ATG2B: variants seen among roughly 807,000 people sequenced by gnomAD.
ATG2B encodes the protein autophagy related 2B, also known as autophagy-related protein 2 homolog B.
A neutral mutation model predicts 241.3 loss-of-function variants in ATG2B; 121 were observed. The observed-to-expected ratio is 0.50, with a 90% CI of 0.43 to 0.58. ATG2B has a LOEUF of 0.58. Ranked by LOEUF, ATG2B falls within the 20% of genes least tolerant of loss-of-function variation. ATG2B has a pLI of 0.00. For missense variants in ATG2B, 2,306 were observed against 2,491.6 expected, an observed-to-expected ratio of 0.93 and a Z score of 1.59; for synonymous variants, 858 against 876.6, an observed-to-expected ratio of 0.98 and a Z score of 0.37.
chr14:96,362,039 GGTGA>G (rs1566739244), intron 1 of ATG2B, among the ~76,000 whole-genome samples: 3 of 152,124 alleles, frequency 2.0e-5, no homozygotes, highest in Non-Finnish European at 2.9e-5. Flanking sequence ...GACTGCATGT[GGTGA>G]GTCGAAATTC....
Position 96,279,809 on chromosome 14 carries a change from T to C in ATG2B, c.*5946A>G, listed in dbSNP as rs1408450327. The stretch of plus-strand genomic sequence containing the variant: ...TTGTCATATTTGGCATATTTGGCCA[T>C]GTCTGGAGACGTCTTTGGCTGTCAC... On this transcript the variant is annotated 3_prime_UTR_variant, in exon 42 of 42. Transcript: ENST00000359933. 1.3e-5 allele frequency: 2 copies of C among 150,984 alleles called. No homozygotes were observed. Among genetic ancestry groups the C allele is most frequent in the Non-Finnish European group, 1.5e-5 (1 of 67,938 alleles). The allele number at this position is 150,984 out of a possible 1,614,324, so 9.4% of individuals were successfully genotyped here.
At chr14:96,320,153 C>T (rs1408761028) in intron 18 of ATG2B, among the ~76,000 whole-genome samples, 1 of 152,168 alleles carries the variant, frequency 6.6e-6, no homozygotes, top group Admixed American at 6.5e-5. Context: ...CCAAGTGCCA[C>T]AACAACGGAA....
Position 96,332,365 on chromosome 14 carries a change from G to A in ATG2B, c.1408C>T (p.Pro470Ser), listed in dbSNP as rs753195688. 2.5e-6 allele frequency: 4 copies of A among 1,613,808 alleles called. No homozygotes were observed. The highest frequency in any genetic ancestry group is 3.4e-6 in the Non-Finnish European group (4 of 1,179,790). ...GATGGAAATGTTGACCCTCTTACTGGCTGTTCTTTATGATGATCAAGGAAC... is the reference window on the plus strand; with the variant it reads ...GATGGAAATGTTGACCCTCTTACTGACTGTTCTTTATGATGATCAAGGAAC... ...GEFLDHHKEQ[P>S]VRGSTFPSNL... The change falls in exon 10 of 42, where the codon CCA becomes TCA. Residue 470 changes from proline (P) to serine (S), a missense_variant. By Grantham distance (74) the Pro-to-Ser change is moderately conservative (BLOSUM62 -1). This residue lies in a region of ATG2B where 1,927 missense variants were observed against 2,011.2 expected (regional missense o/e 0.96). Coordinates refer to ENST00000359933, the MANE Select transcript of ATG2B (RefSeq NM_018036.7).
At position 96,331,523 on chromosome 14, in the gene ATG2B, T is replaced by C. The variant is rs1198982270; in HGVS notation, c.1583A>G (p.Glu528Gly). The C allele has an allele frequency of 5.0e-6, 8 of 1,614,006 alleles. No homozygotes were observed. Reference sequence around the variant, plus strand: ...CAATGGATTAAGGTTCTGTGACGTTTCAGGTGGAGATAAAGGATCAATGTG... The same window carrying C: ...CAATGGATTAAGGTTCTGTGACGTTCCAGGTGGAGATAAAGGATCAATGTG... The part of the protein sequence containing the change: ...VLHIDPLSPP[E>G]TSQNLNPLTP... Residue 528 changes from glutamate to glycine, a missense_variant, in exon 11 of 42, where the codon GAA becomes GGA. Transcript: ENST00000359933.
chr14:96,329,609 A>C lies in ATG2B; in HGVS notation c.1756T>G (p.Ser586Ala). Residue 586 changes from serine to alanine, a missense_variant, in exon 12 of 42, where the codon TCC (serine) becomes GCC (alanine). This residue lies in a region of ATG2B where 1,927 missense variants were observed against 2,011.2 expected (regional missense o/e 0.96). Transcript: ENST00000359933. ...GCTGATCTTTGTCTTTGTTCATAGG[A>C]TACTTTAATGCCAGTACCTATAAAT... ...LRFIGTGIKV[S>A]YEQRQRSASR... 1 of 1,606,376 alleles carries C rather than the reference A, an allele frequency of 6.2e-7. No homozygotes were observed. The highest frequency in any genetic ancestry group is 8.5e-7 in the Non-Finnish European group (1 of 1,173,564).
At chr14:96,317,950 T>C in intron 18 of ATG2B, 95 bp from the exon 19 acceptor site, 2 of 940,880 alleles carry the variant, frequency 2.1e-6, no homozygotes, top group East Asian at 2.6e-5. Context: ...GTATGAACAA[T>C]AATTTTTTAA....
At chr14:96,332,791 T>A (rs1448041693) in intron 8 of ATG2B, 136 bp from the exon 9 acceptor site, 1 of 545,784 alleles carries the variant, frequency 1.8e-6, no homozygotes, top group Non-Finnish European at 2.8e-6. Flanking sequence ...TTTATGTTAC[T>A]TACAGTGGTG....
rs760159859 is a variant in ATG2B, at chr14:96,323,896, C to T, written c.2540G>A (p.Arg847Gln). The T allele has an allele frequency of 9.4e-6, 15 of 1,597,348 alleles. No individual in the cohort carries two copies. The highest frequency in any genetic ancestry group is 2.7e-5 in the African/African-American group (2 of 74,124). Reference sequence around the variant, plus strand: ...TAAACCTATGCATTTGCTTACTCACCGTGGCCAGTCAAAGTCATCTGACGA... The same window carrying T: ...TAAACCTATGCATTTGCTTACTCACTGTGGCCAGTCAAAGTCATCTGACGA... ...TTSSDDFDWP[R>Q]IVLKINPPAM... Residue 847 changes from arginine to glutamine, a missense_variant and splice_region_variant, in exon 16 of 42, where the codon CGA becomes CAA. Arg to Gln is a conservative substitution (Grantham distance 43, BLOSUM62 1). Transcript: ENST00000359933.
At chr14:96,313,202 C>T in intron 24 of ATG2B, 45 bp from the exon 25 acceptor site, 1 of 1,454,784 alleles carries the variant, frequency 6.9e-7, no homozygotes, top group African/African-American at 1.4e-5. Context: ...GATACGGCTC[C>T]AGAAACTCTA....
rs1489938842 is a variant in ATG2B at position 96,322,532 on chromosome 14, A to T, written c.2736+8T>A. 1 of 1,607,204 alleles carries T rather than the reference A, an allele frequency of 6.2e-7. No individual in the cohort carries two copies. Among genetic ancestry groups the T allele is most frequent in the Admixed American group, 1.7e-5 (1 of 58,974 alleles). ...TATTATTCCTTTGTAGCTTGCTCAC[A>T]CTTTTACCTGTTCATTTTCAAACAT... is the stretch of plus-strand genomic sequence containing the variant. On this transcript the variant is annotated splice_region_variant and intron_variant, in intron 17 of 41. Transcript: ENST00000359933.
chr14:96,314,625 C>T (rs889499522), intron 23 of ATG2B, among the ~76,000 whole-genome samples: 1 of 152,196 alleles, frequency 6.6e-6, no homozygotes, highest in Non-Finnish European at 1.5e-5. Flanking sequence ...GTTTTGAGGA[C>T]CACACTTTAA....
intron 14 of ATG2B, among the ~76,000 whole-genome samples, 195 bp from the exon 15 acceptor site, chr14:96,326,117 T>C (rs1214293634): frequency 6.6e-6 from 1 of 152,084 alleles, no homozygotes; most frequent in Admixed American, 6.5e-5. Context: ...TTAGCAAAAG[T>C]GAAAACTATT....
chr14:96,289,615 C>T lies in ATG2B; in HGVS notation c.6006+41G>A. On this transcript the variant is annotated intron_variant, in intron 41 of 41. Coordinates refer to ENST00000359933, the MANE Select transcript of ATG2B (RefSeq NM_018036.7). This position sits in a 1 kb window ranked among gnomAD's most constrained non-coding sequence, Gnocchi z 4.3. ...TCTTTAGGTGAAAGTTGGGAAAGCG[C>T]ACAGAAGGGTTCTGATGTGTCCACC... 6.2e-7 allele frequency: 1 copy of T among 1,603,622 alleles called. No homozygotes were observed. The highest frequency in any genetic ancestry group is 8.5e-7 in the Non-Finnish European group (1 of 1,174,946).
rs1426307759 is a variant in ATG2B at position 96,305,578 on chromosome 14, A to T, written c.4733+11T>A. On this transcript the variant is annotated intron_variant, in intron 31 of 41. Transcript: ENST00000359933. ...GGCCTCCCAAATAAACTTATATAGAAATTAACTTACATATAACTTTTAGCC... is the reference window on the plus strand; with the variant it reads ...GGCCTCCCAAATAAACTTATATAGATATTAACTTACATATAACTTTTAGCC... 1 of 1,568,100 alleles carries T rather than the reference A, an allele frequency of 6.4e-7. No homozygotes were observed. The highest frequency in any genetic ancestry group is 8.7e-7 in the Non-Finnish European group (1 of 1,143,158).
chr14:96,313,008 T>C, intron 25 of ATG2B, 57 bp downstream of exon 25: 3 of 1,070,210 alleles, frequency 2.8e-6, no homozygotes, highest in Non-Finnish European at 4.2e-6. Flanking sequence ...TAGGTAAATA[T>C]CAATTGGTAT....
chr14:96,295,622 G>A, intron 34 of ATG2B, 62 bp from the exon 35 acceptor site: 1 of 1,103,170 alleles, frequency 9.1e-7, no homozygotes, highest in Non-Finnish European at 1.3e-6. Context: ...CTAAAACTAT[G>A]AAACAAAGTA....
chr14:96,332,614 G>A lies in ATG2B; in HGVS notation c.1249C>T (p.His417Tyr), dbSNP rs751026930. Residue 417 changes from histidine to tyrosine, a missense_variant, in exon 9 of 42, where the codon CAT becomes TAT. His to Tyr is a moderately conservative substitution (Grantham distance 83). Transcript: ENST00000359933. ...FFSMADMDMS[H>Y]SLSSLPPLGD... ...AGGGGTGGAAGAGAAGAGAGACTATGAGACATGTCCATATCAGCCATGGAG... is the reference window on the plus strand; with the variant it reads ...AGGGGTGGAAGAGAAGAGAGACTATAAGACATGTCCATATCAGCCATGGAG... 8.4e-5 allele frequency: 135 copies of A among 1,601,858 alleles called. No homozygotes were observed. Among genetic ancestry groups the A allele is most frequent in the Non-Finnish European group, 1.1e-4 (134 of 1,176,322 alleles).
At chr14:96,323,517 C>T (rs1234943987) in intron 16 of ATG2B, among the ~76,000 whole-genome samples, 1 of 152,106 alleles carries the variant, frequency 6.6e-6, no homozygotes, top group Non-Finnish European at 1.5e-5. Context: ...AGGCTTTTTT[C>T]CTAATTGATA....
intron 18 of ATG2B, 110 bp downstream of exon 18, chr14:96,322,002 A>G: frequency 1.3e-6 from 1 of 782,200 alleles, no homozygotes; most frequent in Non-Finnish European, 2.0e-6. Context: ...CAAAGTACAC[A>G]GAGATGGCAT....
Sources: gnomAD v4.1 joint callset for allele counts (sites outside exome capture counted in the v4.1 genomes callset) on GRCh38, gnomAD v4.1.1 for gene constraint, gnomAD v4.1.1 regional missense constraint, Gnocchi (gnomAD v3.1) non-coding constraint, MANE v1.5 for transcripts, NCBI Gene and HGNC (gene_info 2026-07-23, HGNC 2026-07-21) for gene names.